ZIC5: variants seen among roughly 807,000 people sequenced by gnomAD.
ZIC5 encodes the protein Zic family zinc finger 5.
ZIC5 carries 20 observed loss-of-function variants against 28.5 expected under a neutral mutation model. The ratio of observed to expected loss-of-function variants is 0.70; its 90% CI spans 0.49 to 1.02. The LOEUF (loss-of-function observed/expected upper bound fraction) is 1.02, where lower values mean the gene tolerates loss of function less well. Ranked by LOEUF, ZIC5 falls within the 50% of genes least tolerant of loss-of-function variation. ZIC5 has a pLI of 0.00. For synonymous variants in ZIC5, 488 were observed against 410.4 expected (o/e 1.19, Z -2.29); for missense variants, 951 against 899.7 (o/e 1.06, Z -0.73).
chr13:99,965,480 C>T lies in ZIC5; in HGVS notation c.1817G>A (p.Gly606Glu). The T allele has an allele frequency of 6.2e-7, 1 of 1,614,008 alleles. No individual in the cohort carries two copies. Among genetic ancestry groups the T allele is most frequent in the Non-Finnish European group, 8.5e-7 (1 of 1,179,972 alleles). Residue 606 changes from glycine to glutamate, a missense_variant, in exon 2 of 2, where the codon GGG becomes GAG. Physicochemically the swap from Gly to Glu is moderately conservative, Grantham distance 98. Transcript: ENST00000267294. ...LNEWYVCQAS[G>E]APSHLHTPSS... ...AGGGGTGTGGAGGTGGCTGGGGGCCCCACTGGCCTGGCAAACGTACCACTC... is the reference window on the plus strand; with the variant it reads ...AGGGGTGTGGAGGTGGCTGGGGGCCTCACTGGCCTGGCAAACGTACCACTC...
chr13:99,968,199 G>A (rs1025555899), intron 1 of ZIC5, among the ~76,000 whole-genome samples: 1 of 151,876 alleles, frequency 6.6e-6, no homozygotes, highest in Non-Finnish European at 1.5e-5. Flanking sequence ...AGTCCGGATG[G>A]GCCCTCTCAG....
intron 1 of ZIC5, among the ~76,000 whole-genome samples, chr13:99,968,162 G>C (rs2053114745): frequency 3.3e-5 from 5 of 152,206 alleles, no homozygotes. Context: ...CCCCAAAAGG[G>C]AGAGCGGCGT....
Position 99,971,125 on chromosome 13 carries a change from C to G in ZIC5, c.479G>C (p.Gly160Ala). Residue 160 changes from glycine to alanine, a missense_variant, in exon 1 of 2, where the codon GGC becomes GCC. Physicochemically the swap from Gly to Ala is moderately conservative, Grantham distance 60 (BLOSUM62 0). Around this residue, in one of 3 missense-constraint regions of ZIC5, gnomAD observed 784 missense variants for 660.1 expected, o/e 1.19. Transcript: ENST00000267294. ...ALSGYTTTNS[G>A]GGGSSGKGHS... ...GCCTTTGCCGCTGCTGCCGCCGCCGCCACTGTTGGTGGTGGTGTAGCCCGA... is the reference window on the plus strand; with the variant it reads ...GCCTTTGCCGCTGCTGCCGCCGCCGGCACTGTTGGTGGTGGTGTAGCCCGA... The G allele has an allele frequency of 7.0e-7, 1 of 1,430,178 alleles. No individual in the cohort carries two copies. The highest frequency in any genetic ancestry group is 9.1e-7 in the Non-Finnish European group (1 of 1,100,058). The allele number at this position is 1,430,178 out of a possible 1,614,324, so 88.6% of individuals were successfully genotyped here.
intron 1 of ZIC5, among the ~76,000 whole-genome samples, chr13:99,969,023 T>G (rs1257680189): frequency 6.6e-6 from 1 of 152,210 alleles, no homozygotes; most frequent in Non-Finnish European, 1.5e-5. Flanking sequence ...TCCAGTTACT[T>G]AAGTGTCCTC....
chr13:99,968,077 G>A (rs902766558), intron 1 of ZIC5, among the ~76,000 whole-genome samples: 2 of 152,234 alleles, frequency 1.3e-5, no homozygotes, highest in Admixed American at 1.3e-4. Flanking sequence ...GGGGCACGTG[G>A]GTCAGGAAAG....
rs2053077799 is a variant in ZIC5, at chr13:99,964,056, A to C, written c.*1321T>G. Reference sequence around the variant, plus strand: ...CTAGGTCCTTGACCTTTTTTATCCTAGCTTGACAGCTCTGGCAAAGGTCAC... The same window carrying C: ...CTAGGTCCTTGACCTTTTTTATCCTCGCTTGACAGCTCTGGCAAAGGTCAC... On this transcript the variant is annotated 3_prime_UTR_variant, in exon 2 of 2. Coordinates refer to ENST00000267294, the MANE Select transcript of ZIC5 (RefSeq NM_033132.5). The C allele has an allele frequency of 6.6e-6, 1 of 152,606 alleles. No individual in the cohort carries two copies. Among genetic ancestry groups the C allele is most frequent in the Admixed American group, 6.5e-5 (1 of 15,284 alleles). The allele number at this position is 152,606 out of a possible 1,614,324, so 9.5% of individuals were successfully genotyped here. A position where few individuals can be genotyped will look rare whatever the true frequency, so the allele number is the denominator to read the frequency against.
intron 1 of ZIC5, among the ~76,000 whole-genome samples, chr13:99,969,611 C>G (rs1454588667): frequency 6.6e-6 from 1 of 152,082 alleles, no homozygotes; most frequent in East Asian, 1.9e-4. Context: ...CTCGGGCGGC[C>G]CAAATCCGGC....
In ZIC5 at chr13:99,963,789, AAATT is replaced by A. The variant is rs1318159555; in HGVS notation, c.*1584_*1587del. The A allele has an allele frequency of 2.0e-5, 3 of 152,088 alleles. No individual in the cohort carries two copies. Among genetic ancestry groups the A allele is most frequent in the Admixed American group, 6.6e-5 (1 of 15,266 alleles). The allele number at this position is 152,088 out of a possible 1,614,324, so 9.4% of individuals were successfully genotyped here. On this transcript the variant is annotated 3_prime_UTR_variant, in exon 2 of 2. Coordinates refer to ENST00000267294, the MANE Select transcript of ZIC5 (RefSeq NM_033132.5). ...AAAAAAAAGGATGATGTCTGAAAATAAATTAATTCAACTGTACAAATAATAGTGT... is the reference window on the plus strand; with the variant it reads ...AAAAAAAAGGATGATGTCTGAAAATAAATTCAACTGTACAAATAATAGTGT...
Position 99,964,099 on chromosome 13 carries a change from G to A in ZIC5, c.*1278C>T, listed in dbSNP as rs1301243293. The A allele has an allele frequency of 6.6e-6, 1 of 152,542 alleles. No homozygotes were observed. Among genetic ancestry groups the A allele is most frequent in the Non-Finnish European group, 1.5e-5 (1 of 68,044 alleles). 9.4% of individuals were successfully genotyped at this position (152,542 alleles called of 1,614,324 possible). A position where few individuals can be genotyped will look rare whatever the true frequency, so the allele number is the denominator to read the frequency against. On this transcript the variant is annotated 3_prime_UTR_variant, in exon 2 of 2. Transcript: ENST00000267294. ...AAGGTCACACATTCATCAGTGTTTG[G>A]TGGTAACTATAAACCTTTTAAAAAT...
At chr13:99,967,707 T>C (rs1434586475) in intron 1 of ZIC5, among the ~76,000 whole-genome samples, 1 of 152,052 alleles carries the variant, frequency 6.6e-6, no homozygotes, top group Non-Finnish European at 1.5e-5. Flanking sequence ...GGGGAACAAT[T>C]AGACTCAGGA....
rs774978018 is a variant in ZIC5, at chr13:99,970,514, T to A, written c.1090A>T (p.Met364Leu). The A allele has an allele frequency of 3.6e-6, 4 of 1,126,604 alleles. No individual in the cohort carries two copies. The highest frequency in any genetic ancestry group is 2.5e-5 in the South Asian group (1 of 39,478). 69.8% of individuals were successfully genotyped at this position (1,126,604 alleles called of 1,614,324 possible). A position where few individuals can be genotyped will look rare whatever the true frequency, so the allele number is the denominator to read the frequency against. Residue 364 changes from methionine to leucine, a missense_variant, in exon 1 of 2, where the codon ATG becomes TTG. By Grantham distance (15) the Met-to-Leu change is conservative. This residue lies in a region of ZIC5 where 784 missense variants were observed against 660.1 expected (regional missense o/e 1.19). Coordinates refer to ENST00000267294, the MANE Select transcript of ZIC5 (RefSeq NM_033132.5). ...PGAAGAFLRY[M>L]RQPIKQELIC... is the part of the protein sequence containing the mutation. ...AGCTCCTGCTTGATTGGCTGCCGCA[T>A]GTAGCGCAGGAAGGCCCCAGCCGCC...
intron 1 of ZIC5, among the ~76,000 whole-genome samples, chr13:99,967,109 T>G (rs2053106121): frequency 6.6e-6 from 1 of 152,274 alleles, no homozygotes; most frequent in Non-Finnish European, 1.5e-5. Flanking sequence ...AACAAACTGT[T>G]AAGCCTCAGC....
chr13:99,970,216 C>T lies in ZIC5; in HGVS notation c.1388G>A (p.Gly463Asp). 1 of 1,613,500 alleles carries T rather than the reference C, an allele frequency of 6.2e-7. No individual in the cohort carries two copies. Among genetic ancestry groups the T allele is most frequent in the Non-Finnish European group, 8.5e-7 (1 of 1,179,766 alleles). The change falls in exon 1 of 2, where the codon GGC becomes GAC. Residue 463 changes from glycine to aspartate, a missense_variant. Physicochemically the swap from Gly to Asp is moderately conservative, Grantham distance 94 (BLOSUM62 -1). This residue lies in a region of ZIC5 where 59 missense variants were observed against 121.2 expected (regional missense o/e 0.49). Transcript: ENST00000267294. ...GAAAGGGCAGGGAAAGGGCTTCTCG[C>T]CGGTGTGCACGCGGATGTGGTTGAT... ...KLINHIRVHT[G>D]EKPFPCPFPG...
chr13:99,967,111 A>T (rs904093055), intron 1 of ZIC5, among the ~76,000 whole-genome samples: 1 of 152,234 alleles, frequency 6.6e-6, no homozygotes, highest in Non-Finnish European at 1.5e-5. Flanking sequence ...CAAACTGTTA[A>T]GCCTCAGCTT....
intron 1 of ZIC5, among the ~76,000 whole-genome samples, chr13:99,969,403 A>G (rs1594283658): frequency 6.8e-6 from 1 of 147,810 alleles, no homozygotes; most frequent in African/African-American, 2.4e-5. Context: ...AAATGATGTG[A>G]GTGTGAGGAC....
chr13:99,968,169 G>A (rs765966978), intron 1 of ZIC5, among the ~76,000 whole-genome samples: 1 of 152,128 alleles, frequency 6.6e-6, no homozygotes, highest in Non-Finnish European at 1.5e-5. Context: ...AGGGAGAGCG[G>A]CGTGGCAGGG....
intron 1 of ZIC5, among the ~76,000 whole-genome samples, chr13:99,969,352 G>T (rs1486021721): frequency 6.6e-6 from 1 of 152,224 alleles, no homozygotes; most frequent in Non-Finnish European, 1.5e-5. Context: ...ACCCTCCAGG[G>T]CGAGTGTGAT....
At chr13:99,971,838 G>T, upstream of ZIC5, 1 of 855,522 alleles carries the variant, frequency 1.2e-6, no homozygotes. Context: ...GGAGGGAGCC[G>T]CGTGATTGGC....
chr13:99,971,595 G>C lies in ZIC5; in HGVS notation c.9C>G (p.Pro3=). The C allele has an allele frequency of 6.4e-7, 1 of 1,556,272 alleles. No homozygotes were observed. The highest frequency in any genetic ancestry group is 2.4e-5 in the East Asian group (1 of 41,500). Residue 3 remains proline, a synonymous_variant, in exon 1 of 2, where the codon CCC becomes CCG. Transcript: ENST00000267294. The part of the protein sequence containing the change: ME[P]PLSKRNPPAL... ...CTGGCGGGTTCCTCTTGCTCAAAGG[G>C]GGCTCCATCAGAACTACACAATCAG...
Sources: gnomAD v4.1 joint callset for allele counts (sites outside exome capture counted in the v4.1 genomes callset) on GRCh38, gnomAD v4.1.1 for gene constraint, gnomAD v4.1.1 regional missense constraint, MANE v1.5 for transcripts, NCBI Gene and HGNC (gene_info 2026-07-23, HGNC 2026-07-21) for gene names.